The following MARCO variants were observed in gnomAD, a reference collection of about 807,000 sequenced individuals.
MARCO encodes the protein macrophage receptor with collagenous structure, also known as macrophage receptor MARCO.
In MARCO, 72 loss-of-function variants were observed where a neutral mutation model predicts 70.0. The observed-to-expected ratio is 1.03, with a 90% CI of 0.85 to 1.25. The LOEUF (loss-of-function observed/expected upper bound fraction) is 1.25, where lower values mean the gene tolerates loss of function less well. Ranked by LOEUF, MARCO falls within the 50% of genes most tolerant of loss-of-function variation. The probability of loss-of-function intolerance (pLI) is 0.00; values close to 1 mark genes in which losing one functional copy is unlikely to be tolerated. For synonymous variants in MARCO, 273 were observed against 243.1 expected, an observed-to-expected ratio of 1.12 and a Z score of -1.14; for missense variants, 696 against 659.3, an observed-to-expected ratio of 1.06 and a Z score of -0.61.
In MARCO at chr2:118,970,132, G is replaced by C; in HGVS notation, c.218G>C (p.Arg73Pro). ...LVVQVLNLQA[R>P]LRVLEMYFLN... ...GGCCCAGTTCTGAATCTGCAGGCGC[G>C]GCTCCGGGTCCTGGAGATGTATTTC... Residue 73 changes from arginine to proline, a missense_variant, in exon 3 of 17, where the codon CGG becomes CCG. This residue lies in a region of MARCO where 605 missense variants were observed against 537.6 expected (regional missense o/e 1.13). Coordinates refer to ENST00000327097, the MANE Select transcript of MARCO (RefSeq NM_006770.4). The C allele has an allele frequency of 6.2e-7, 1 of 1,614,020 alleles. No individual in the cohort carries two copies. Among genetic ancestry groups the C allele is most frequent in the Non-Finnish European group, 8.5e-7 (1 of 1,180,014 alleles).
chr2:118,947,029 G>A (rs953957502), intron 1 of MARCO, among the ~76,000 whole-genome samples: 2 of 151,950 alleles, frequency 1.3e-5, no homozygotes, highest in East Asian at 3.9e-4. Context: ...TTTATGGTTT[G>A]GTTTTAAGAG....
intron 1 of MARCO, chr2:118,944,657 T>G (rs980261379): frequency 2.4e-5 from 1 of 40,892 alleles, no homozygotes; most frequent in African/African-American, 7.2e-5. Flanking sequence ...ATTAAACTAG[T>G]TTTTTTTTAT....
intron 3 of MARCO, among the ~76,000 whole-genome samples, chr2:118,970,737 G>A (rs541315501): frequency 6.6e-6 from 1 of 151,924 alleles, no homozygotes; most frequent in Admixed American, 6.5e-5. Flanking sequence ...TGAGCCAAGG[G>A]TTAAAACCCC....
At chr2:118,952,996 G>A (rs1195700762) in intron 1 of MARCO, 1 of 152,194 alleles carries the variant, frequency 6.6e-6, no homozygotes, top group Non-Finnish European at 1.5e-5. Context: ...TTGAACAAAG[G>A]AAAAGCAGAC....
At chr2:118,959,506 G>C (rs145083492) in intron 1 of MARCO, among the ~76,000 whole-genome samples, 6,664 of 152,244 alleles carry the variant, frequency 0.044, 455 homozygotes, top group African/African-American at 0.15. Context: ...CATGGATGTG[G>C]TGATCAGGGA....
At chr2:118,977,575 T>TGG in intron 7 of MARCO, 60 bp downstream of exon 7, 1 of 1,432,668 alleles carries the variant, frequency 7.0e-7, no homozygotes, top group South Asian at 1.1e-5. Context: ...CTGAGGCAGT[T>TGG]CCCCCCCACC....
intron 12 of MARCO, among the ~76,000 whole-genome samples, chr2:118,982,664 G>C (rs1558670142): frequency 6.6e-6 from 1 of 152,132 alleles, no homozygotes; most frequent in Non-Finnish European, 1.5e-5. Context: ...TCACGGAGGA[G>C]AGCAAAGCAC....
chr2:118,982,767 A>G lies in MARCO; in HGVS notation c.1063+357A>G, dbSNP rs536770212. On this transcript the variant is annotated intron_variant, in intron 12 of 16. Transcript: ENST00000327097. ...ATTGGGGCCCCTAAGAGGGGGTCCA[A>G]GAGTCTAGATTCAGGCTGGAGGGTC... Among the ~76,000 whole-genome samples the G allele has an allele frequency of 7.9e-5, 12 of 152,274 alleles. No homozygotes were observed. In the South Asian group the frequency reaches 2.5e-3, roughly 32 times the overall value.
At chr2:118,964,649 A>T (rs1269671987) in intron 1 of MARCO, among the ~76,000 whole-genome samples, 5 of 152,068 alleles carry the variant, frequency 3.3e-5, no homozygotes, top group African/African-American at 1.2e-4. Flanking sequence ...GCATTTTGGG[A>T]GGCTGAGGTG....
Position 118,994,490 on chromosome 2 carries a change from G to T in MARCO, c.1533G>T (p.Glu511Asp), listed in dbSNP as rs61732822. The part of the protein sequence containing the change: ...NSWGHHDCSH[E>D]EDAGVECSV Reference sequence around the variant, plus strand: ...GGGGCCATCATGACTGCAGCCACGAGGAGGACGCAGGCGTGGAGTGCAGCG... The same window carrying T: ...GGGGCCATCATGACTGCAGCCACGATGAGGACGCAGGCGTGGAGTGCAGCG... The change falls in exon 17 of 17, where the codon GAG becomes GAT. Residue 511 changes from glutamate (E) to aspartate (D), a missense_variant. This residue lies in a region of MARCO where 58 missense variants were observed against 62.1 expected (regional missense o/e 0.93). Coordinates refer to ENST00000327097, the MANE Select transcript of MARCO (RefSeq NM_006770.4). The T allele has an allele frequency of 6.2e-7, 1 of 1,610,704 alleles. No individual in the cohort carries two copies. Among genetic ancestry groups the T allele is most frequent in the East Asian group, 2.2e-5 (1 of 44,820 alleles).
At chr2:118,973,401 C>G (rs1016554696) in intron 4 of MARCO, among the ~76,000 whole-genome samples, 2 of 152,168 alleles carry the variant, frequency 1.3e-5, no homozygotes, top group African/African-American at 2.4e-5. Context: ...CTCTCTCTCT[C>G]TCTGTCTCTT....
intron 12 of MARCO, among the ~76,000 whole-genome samples, chr2:118,989,024 C>T (rs1196807764): frequency 6.6e-6 from 1 of 152,200 alleles, no homozygotes; most frequent in East Asian, 1.9e-4. Context: ...GGACACCTGG[C>T]TCAAGGTCAC....
At chr2:118,974,225 C>G (rs1047714799) in intron 4 of MARCO, 108 bp from the exon 5 acceptor site, 1 of 741,130 alleles carries the variant, frequency 1.3e-6, no homozygotes, top group Non-Finnish European at 2.4e-6. Flanking sequence ...TGGCTCATCC[C>G]CATGCTCAGT....
Position 118,982,194 on chromosome 2 carries a change from G to A in MARCO, c.940G>A (p.Ala314Thr). The A allele has an allele frequency of 1.9e-6, 3 of 1,613,346 alleles. No homozygotes were observed. The highest frequency in any genetic ancestry group is 1.7e-6 in the Non-Finnish European group (2 of 1,179,466). ...GLQGVPGPPG[A>T]VGHPGAKGEP... ...GCAGGGTGTTCCGGGCCCTCCTGGT[G>A]CAGTGGGACACCCAGGTGCCAAGGG... is the stretch of plus-strand genomic sequence containing the variant. Residue 314 changes from alanine to threonine, a missense_variant, in exon 11 of 17, where the codon GCA becomes ACA. Physicochemically the swap from Ala to Thr is moderately conservative, Grantham distance 58. Transcript: ENST00000327097.
chr2:118,953,219 C>G (rs553187449), intron 1 of MARCO, among the ~76,000 whole-genome samples: 1 of 152,182 alleles, frequency 6.6e-6, no homozygotes, highest in South Asian at 2.1e-4. Flanking sequence ...AGGCTGTGAG[C>G]TGGAACGGGC....
chr2:118,982,826 G>A (rs2104598687), intron 12 of MARCO, among the ~76,000 whole-genome samples: 1 of 152,264 alleles, frequency 6.6e-6, no homozygotes, highest in South Asian at 2.1e-4. Flanking sequence ...TCCTAGGGGG[G>A]CAGCCTGGGA....
At chr2:118,949,595 G>C (rs891697108) in intron 1 of MARCO, 5 of 151,820 alleles carry the variant, frequency 3.3e-5, no homozygotes, top group Admixed American at 2.6e-4. Flanking sequence ...TAGAGTTGCT[G>C]GTGGTAGGAA....
Position 118,994,314 on chromosome 2 carries a change from C to T in MARCO, c.1430-73C>T, listed in dbSNP as rs902165506. ...TCCACCTCAGATGGAAGCTCCCAGG[C>T]GCACACGTGGCTTCTTTGCTTTGAC... On this transcript the variant is annotated intron_variant, in intron 16 of 16. Transcript: ENST00000327097. 2.6e-5 allele frequency: 40 copies of T among 1,553,860 alleles called. 1 individual carries two copies. In the Middle Eastern group the frequency reaches 5.0e-4, roughly 20 times the overall value.
At chr2:118,989,550 GA>G (rs1465548265) in intron 12 of MARCO, among the ~76,000 whole-genome samples, 15 of 152,160 alleles carry the variant, frequency 9.9e-5, no homozygotes, top group South Asian at 2.1e-4. Context: ...GTTATTCCAA[GA>G]AGGGGCCCTG....
Sources: gnomAD v4.1 joint callset for allele counts (sites outside exome capture counted in the v4.1 genomes callset) on GRCh38, gnomAD v4.1.1 for gene constraint, gnomAD v4.1.1 regional missense constraint, MANE v1.5 for transcripts, NCBI Gene and HGNC (gene_info 2026-07-23, HGNC 2026-07-21) for gene names.